SND1: variants seen among roughly 807,000 people sequenced by gnomAD.
The protein encoded by SND1 is staphylococcal nuclease domain-containing protein 1.
Under a neutral mutation model 121.7 loss-of-function variants are expected in SND1, and 38 were observed. That is an observed-to-expected ratio of 0.31 (90% CI 0.24 to 0.41). The LOEUF (loss-of-function observed/expected upper bound fraction) is 0.41, where lower values mean the gene tolerates loss of function less well. SND1 is among the 10% of genes least tolerant of loss of function. The probability of loss-of-function intolerance (pLI) is 1.00; values close to 1 mark genes in which losing one functional copy is unlikely to be tolerated. For synonymous variants in SND1, 401 were observed against 447.4 expected (o/e 0.90, Z 1.31); for missense variants, 868 against 1,184.6 (o/e 0.73, Z 3.92).
intron 15 of SND1, among the ~76,000 whole-genome samples, chr7:127,932,110 G>A (rs1160610230): frequency 6.6e-6 from 1 of 152,236 alleles, no homozygotes; most frequent in Non-Finnish European, 1.5e-5. Context: ...CATAAATAGT[G>A]ATTCTTCTGA....
intron 11 of SND1, among the ~76,000 whole-genome samples, chr7:127,822,868 G>C (rs1336457771): frequency 6.6e-6 from 1 of 152,164 alleles, no homozygotes; most frequent in African/African-American, 2.4e-5. Context: ...TAGTGGTTTA[G>C]TGTATGGACT....
intron 14 of SND1, among the ~76,000 whole-genome samples, chr7:127,926,018 A>G (rs1002408893): frequency 9.9e-5 from 15 of 151,976 alleles, no homozygotes; most frequent in African/African-American, 3.6e-4. Context: ...TCTCTTTGGA[A>G]GGCAAATTAC....
At chr7:128,003,808 C>G (rs2116936798) in intron 16 of SND1, among the ~76,000 whole-genome samples, 1 of 152,232 alleles carries the variant, frequency 6.6e-6, no homozygotes, top group South Asian at 2.1e-4. Flanking sequence ...CTGGTGTTTG[C>G]TAAATAGCTG....
Position 127,914,377 on chromosome 7 carries a change from A to G in SND1, c.1527+9558A>G, listed in dbSNP as rs115532766. Among the ~76,000 whole-genome samples, 898 of 152,230 alleles carry G rather than the reference A, an allele frequency of 5.9e-3. 16 individuals carry two copies. Among genetic ancestry groups the G allele is most frequent in the African/African-American group, 0.021 (856 of 41,544 alleles). On this transcript the variant is annotated intron_variant, in intron 14 of 23. Transcript: ENST00000354725. ...TGCTGGCCATGCCTTCTTCCCTGGCATATGTCTCTTCTTCCAGGTAATTTC... is the reference window on the plus strand; with the variant it reads ...TGCTGGCCATGCCTTCTTCCCTGGCGTATGTCTCTTCTTCCAGGTAATTTC...
At chr7:127,704,216 A>T (rs1796151898) in intron 7 of SND1, among the ~76,000 whole-genome samples, 1 of 152,214 alleles carries the variant, frequency 6.6e-6, no homozygotes, top group Admixed American at 6.5e-5. Flanking sequence ...ACCTGTGTCC[A>T]ATACAGAGCT....
intron 18 of SND1, chr7:128,081,951 G>C: frequency 1.9e-6 from 1 of 535,192 alleles, no homozygotes; most frequent in Non-Finnish European, 3.8e-6. Context: ...TCTCTGCTGG[G>C]GTTTCTCCTT....
intron 12 of SND1, among the ~76,000 whole-genome samples, chr7:127,847,571 T>G (rs754129193): frequency 2.6e-5 from 4 of 152,268 alleles, no homozygotes; most frequent in Non-Finnish European, 4.4e-5. Flanking sequence ...CATAACTTCC[T>G]GTTTGAAATG....
At chr7:127,960,118 C>G (rs1801695833) in intron 15 of SND1, among the ~76,000 whole-genome samples, 1 of 152,220 alleles carries the variant, frequency 6.6e-6, no homozygotes, top group Non-Finnish European at 1.5e-5. Context: ...CTAGCAGCAC[C>G]TCTGCTTCTG....
At chr7:127,749,114 G>C (rs542634137) in intron 10 of SND1, among the ~76,000 whole-genome samples, 1 of 139,562 alleles carries the variant, frequency 7.2e-6, no homozygotes, top group African/African-American at 2.7e-5. Context: ...GCTCACTGCA[G>C]CCTTGAACTC....
intron 10 of SND1, among the ~76,000 whole-genome samples, chr7:127,782,716 C>A (rs1313873287): frequency 2.0e-5 from 3 of 152,160 alleles, no homozygotes; most frequent in South Asian, 4.1e-4. Context: ...GGGCTGTAGA[C>A]CTCTGTGTGT....
intron 14 of SND1, among the ~76,000 whole-genome samples, chr7:127,909,496 G>A (rs1800411500): frequency 6.6e-6 from 1 of 150,884 alleles, no homozygotes. Context: ...TTATCACCAA[G>A]GCTGGACTGA....
At chr7:127,704,152 T>C (rs1796150830) in intron 7 of SND1, among the ~76,000 whole-genome samples, 1 of 152,228 alleles carries the variant, frequency 6.6e-6, no homozygotes, top group Non-Finnish European at 1.5e-5. Flanking sequence ...TATTCTTAGA[T>C]GTAAGATGGC....
rs550538472 is a variant in SND1 at position 127,849,230 on chromosome 7, G to A, written c.1343+4806G>A. On this transcript the variant is annotated intron_variant, in intron 12 of 23. Transcript: ENST00000354725. ...AAATAACTCTTCTTATGATTTAGTC[G>A]TCTATGTAATTAGCTGCAGTGATTA... Among the ~76,000 whole-genome samples the A allele has an allele frequency of 1.6e-4, 25 of 152,104 alleles. No homozygotes were observed. The South Asian group carries it at 2.5e-3, about 15-fold the overall frequency.
chr7:127,704,806 C>T (rs768656058), intron 7 of SND1, 33 bp from the exon 8 acceptor site: 1 of 1,530,056 alleles, frequency 6.5e-7, no homozygotes, highest in East Asian at 2.3e-5. Flanking sequence ...AGAGTCTAAT[C>T]CGTGCCTGCC....
intron 9 of SND1, among the ~76,000 whole-genome samples, chr7:127,713,875 T>C (rs1394955731): frequency 6.6e-6 from 1 of 152,226 alleles, no homozygotes; most frequent in Non-Finnish European, 1.5e-5. Flanking sequence ...GAGAAGCATG[T>C]TCACTTCACA....
chr7:127,654,152 A>G (rs1443165358), intron 1 of SND1, among the ~76,000 whole-genome samples: 2 of 152,234 alleles, frequency 1.3e-5, no homozygotes, highest in African/African-American at 2.4e-5. Context: ...TGTTTCCGCC[A>G]ATGCTGGAGG....
intron 12 of SND1, among the ~76,000 whole-genome samples, chr7:127,878,623 A>G: frequency 6.6e-6 from 1 of 152,068 alleles, no homozygotes; most frequent in South Asian, 2.1e-4. Flanking sequence ...AATCTGTATT[A>G]TGAATTCTGG....
intron 1 of SND1, among the ~76,000 whole-genome samples, chr7:127,679,566 C>A (rs943105475): frequency 2.6e-4 from 40 of 152,154 alleles, no homozygotes; most frequent in Non-Finnish European, 4.3e-4. Flanking sequence ...CCAAAGAAAT[C>A]TGTATCCATT....
At chr7:128,026,609 G>C (rs1015598370) in intron 16 of SND1, among the ~76,000 whole-genome samples, 3 of 152,198 alleles carry the variant, frequency 2.0e-5, no homozygotes, top group Non-Finnish European at 4.4e-5. Context: ...TTAGCACCCA[G>C]AGAACAGAAG....
Sources: allele counts gnomAD v4.1 joint callset (sites outside exome capture counted in the v4.1 genomes callset), GRCh38; gene constraint gnomAD v4.1.1; transcripts MANE v1.5; gene names NCBI Gene and HGNC (gene_info 2026-07-23, HGNC 2026-07-21).